Variants in SFMBT2 observed in about 807,000 individuals in gnomAD.
SFMBT2 encodes the protein Scm like with four mbt domains 2.
A neutral mutation model predicts 110.1 loss-of-function variants in SFMBT2; 38 were observed. The ratio of observed to expected loss-of-function variants is 0.35; its 90% CI spans 0.27 to 0.45. The LOEUF (loss-of-function observed/expected upper bound fraction) is 0.45, where lower values mean the gene tolerates loss of function less well. Among genes scored for constraint, SFMBT2 ranks in the 20% least tolerant of loss-of-function variants. The pLI, the probability that SFMBT2 is intolerant of heterozygous loss-of-function variation, is 1.00. For missense variants in SFMBT2, 1,011 were observed against 1,094.9 expected, an observed-to-expected ratio of 0.92 and a Z score of 1.08; for synonymous variants, 425 against 425.4, an observed-to-expected ratio of 1.00 and a Z score of 0.01.
chr10:7,176,931 C>T (rs959829501), intron 16 of SFMBT2, among the ~76,000 whole-genome samples: 2 of 152,052 alleles, frequency 1.3e-5, no homozygotes, highest in African/African-American at 4.8e-5. Context: ...GCTGCTGTAT[C>T]TCTCAAGTGT....
At chr10:7,327,393 G>A (rs182097513) in intron 4 of SFMBT2, among the ~76,000 whole-genome samples, 30 of 151,982 alleles carry the variant, frequency 2.0e-4, no homozygotes, top group East Asian at 5.8e-4. Context: ...CTCAACCCCC[G>A]GGGCAACTAC....
intron 4 of SFMBT2, among the ~76,000 whole-genome samples, chr10:7,322,512 C>T (rs919140880): frequency 1.3e-5 from 2 of 151,884 alleles, no homozygotes; most frequent in African/African-American, 2.4e-5. Context: ...ATACAGGCAT[C>T]GATTCCAGAT....
chr10:7,338,268 G>A (rs1183693687), intron 4 of SFMBT2, among the ~76,000 whole-genome samples: 1 of 152,114 alleles, frequency 6.6e-6, no homozygotes, highest in Non-Finnish European at 1.5e-5. Context: ...AGTAAAATGT[G>A]CATGAACTTC....
At chr10:7,345,607 T>C (rs1844086011) in intron 4 of SFMBT2, among the ~76,000 whole-genome samples, 1 of 152,234 alleles carries the variant, frequency 6.6e-6, no homozygotes, top group Non-Finnish European at 1.5e-5. Context: ...TCTACCCACC[T>C]TGGCCTCCCA....
At chr10:7,393,695 A>G (rs765212693) in intron 1 of SFMBT2, among the ~76,000 whole-genome samples, 2 of 152,204 alleles carry the variant, frequency 1.3e-5, no homozygotes, top group Non-Finnish European at 2.9e-5. Context: ...TTGTGGTTAG[A>G]TGAATTCAAG....
intron 9 of SFMBT2, among the ~76,000 whole-genome samples, chr10:7,228,671 GCTTCTTT>G (rs1291007480): frequency 5.8e-5 from 8 of 139,062 alleles, no homozygotes; most frequent in Admixed American, 1.5e-4. Context: ...TACTAAAGTG[GCTTCTTT>G]CTTTCTTTCT....
chr10:7,400,869 G>A (rs1026387700), intron 1 of SFMBT2, among the ~76,000 whole-genome samples: 2 of 151,994 alleles, frequency 1.3e-5, no homozygotes, highest in Non-Finnish European at 1.5e-5. Flanking sequence ...GCGGTGGTTC[G>A]CGCCTGTAAT....
chr10:7,212,621 A>ACT (rs1252994223), intron 11 of SFMBT2, among the ~76,000 whole-genome samples: 64 of 152,164 alleles, frequency 4.2e-4, no homozygotes, highest in African/African-American at 1.4e-3. Context: ...TGACTCTTAC[A>ACT]CTCTATCGAT....
At position 7,240,920 on chromosome 10, in the gene SFMBT2, C is replaced by T. The variant is rs528690681; in HGVS notation, c.1120+2638G>A. 1.6e-4 allele frequency among the ~76,000 whole-genome samples: 24 copies of T among 152,284 alleles called. No homozygotes were observed. In the South Asian group the frequency reaches 4.6e-3, roughly 29 times the overall value. On this transcript the variant is annotated intron_variant, in intron 9 of 20. Transcript: ENST00000397167. ...ATTCCTGAACTAATGATATTTACCACATTCTTGAATGATATGGTTTGGCTG... is the reference window on the plus strand; with the variant it reads ...ATTCCTGAACTAATGATATTTACCATATTCTTGAATGATATGGTTTGGCTG...
At chr10:7,216,866 G>T (rs1588348846) in intron 11 of SFMBT2, among the ~76,000 whole-genome samples, 1 of 152,064 alleles carries the variant, frequency 6.6e-6, no homozygotes, top group African/African-American at 2.4e-5. Flanking sequence ...TGTCCCTGGG[G>T]ACACTTCCAA....
chr10:7,392,644 A>C (rs1845800112), intron 1 of SFMBT2, among the ~76,000 whole-genome samples: 1 of 152,160 alleles, frequency 6.6e-6, no homozygotes, highest in African/African-American at 2.4e-5. Context: ...AGATTATTTT[A>C]TCTCACAAAA....
At chr10:7,323,256 C>T (rs765377593) in intron 4 of SFMBT2, among the ~76,000 whole-genome samples, 2 of 151,930 alleles carry the variant, frequency 1.3e-5, no homozygotes, top group East Asian at 3.8e-4. Context: ...GAGTTTGCAG[C>T]ATGACCAATA....
rs531129231 is a variant in SFMBT2, at chr10:7,206,583, T to C, written c.1331-655A>G. On this transcript the variant is annotated intron_variant, in intron 11 of 20. Transcript: ENST00000397167. ...GGCTATGTCATAGAAAAGTCACTTA[T>C]GTAGCAATGTCTAAAAGATCCCACT... is the stretch of plus-strand genomic sequence containing the variant. 6.1e-6 allele frequency: 6 copies of C among 985,292 alleles called. No homozygotes were observed. In the African/African-American group the frequency reaches 7.0e-5, roughly 11 times the overall value. 61.0% of individuals were successfully genotyped at this position (985,292 alleles called of 1,614,324 possible).
intron 4 of SFMBT2, chr10:7,329,649 G>T (rs1263263385): frequency 6.5e-6 from 2 of 308,934 alleles, no homozygotes; most frequent in Non-Finnish European, 9.5e-6. Context: ...GCTCGTCTCT[G>T]CTCCACAATA....
chr10:7,238,436 G>A (rs574273741), intron 9 of SFMBT2, among the ~76,000 whole-genome samples: 3 of 152,304 alleles, frequency 2.0e-5, no homozygotes, highest in South Asian at 4.1e-4. Flanking sequence ...TAAGGTGGTA[G>A]GGCCATGAGC....
At chr10:7,263,391 C>T (rs1841278029) in intron 7 of SFMBT2, among the ~76,000 whole-genome samples, 1 of 152,128 alleles carries the variant, frequency 6.6e-6, no homozygotes, top group African/African-American at 2.4e-5. Context: ...CAGGCACGTG[C>T]CACTAATGCC....
intron 7 of SFMBT2, 60 bp downstream of exon 7, chr10:7,276,832 C>T (rs1841792043): frequency 2.4e-6 from 2 of 824,256 alleles, no homozygotes; most frequent in African/African-American, 1.7e-5. Context: ...GGCCGGAAAA[C>T]TTTGTAGATG....
In SFMBT2 at chr10:7,207,549, G is replaced by C. The variant is rs886843267; in HGVS notation, c.1331-1621C>G. 1.4e-4 allele frequency: 101 copies of C among 739,494 alleles called. No individual in the cohort carries two copies. In the African/African-American group the frequency reaches 1.9e-3, roughly 14 times the overall value. The allele number at this position is 739,494 out of a possible 1,614,324, so 45.8% of individuals were successfully genotyped here. A position where few individuals can be genotyped will look rare whatever the true frequency, so the allele number is the denominator to read the frequency against. On this transcript the variant is annotated intron_variant, in intron 11 of 20. Transcript: ENST00000397167. ...GGGAGGGAGGAAGGAAGGAAGGAAAGAAGGGAAGGAGAGAGAAAAGAAAAT... is the reference window on the plus strand; with the variant it reads ...GGGAGGGAGGAAGGAAGGAAGGAAACAAGGGAAGGAGAGAGAAAAGAAAAT...
chr10:7,350,658 T>C (rs865911235), intron 4 of SFMBT2, among the ~76,000 whole-genome samples: 2 of 152,374 alleles, frequency 1.3e-5, no homozygotes, highest in South Asian at 2.1e-4. Flanking sequence ...GAATAAAGAC[T>C]GTTTTATACT....
Sources: gnomAD v4.1 joint callset for allele counts (sites outside exome capture counted in the v4.1 genomes callset) on GRCh38, gnomAD v4.1.1 for gene constraint, MANE v1.5 for transcripts, NCBI Gene and HGNC (gene_info 2026-07-23, HGNC 2026-07-21) for gene names.